The following ZNF385D variants were observed in gnomAD, a reference collection of about 807,000 sequenced individuals.
ZNF385D encodes zinc finger protein 385D.
Under a neutral mutation model 35.8 loss-of-function variants are expected in ZNF385D, and 15 were observed. The ratio of observed to expected loss-of-function variants is 0.42; its 90% CI spans 0.28 to 0.64. The LOEUF (loss-of-function observed/expected upper bound fraction) is 0.64, where lower values mean the gene tolerates loss of function less well. Ranked by LOEUF, ZNF385D falls within the 30% of genes least tolerant of loss-of-function variation. The pLI, the probability that ZNF385D is intolerant of heterozygous loss-of-function variation, is 0.23. For synonymous variants in ZNF385D, 212 were observed against 186.8 expected, an observed-to-expected ratio of 1.13 and a Z score of -1.10; for missense variants, 474 against 494.6, an observed-to-expected ratio of 0.96 and a Z score of 0.39.
intron 4 of ZNF385D, among the ~76,000 whole-genome samples, chr3:21,485,887 C>T (rs1005585268): frequency 1.3e-5 from 2 of 151,690 alleles, no homozygotes; most frequent in Non-Finnish European, 2.9e-5. Context: ...AAAAAAAACC[C>T]TTTATCTGAA....
chr3:21,560,256 T>C (rs556414962), intron 3 of ZNF385D, among the ~76,000 whole-genome samples: 12 of 152,216 alleles, frequency 7.9e-5, no homozygotes, highest in Non-Finnish European at 1.6e-4. Flanking sequence ...TTTTGGAATT[T>C]TCAGCCTTTT....
chr3:21,734,751 C>A (rs1318483110), intron 1 of ZNF385D, among the ~76,000 whole-genome samples: 1 of 152,028 alleles, frequency 6.6e-6, no homozygotes, highest in Admixed American at 6.6e-5. Context: ...GAAATAAGAA[C>A]CTTTGGAGGC....
At chr3:21,916,201 A>T (rs968907634) in intron 3 of ZNF385D, among the ~76,000 whole-genome samples, 3 of 152,236 alleles carry the variant, frequency 2.0e-5, no homozygotes, top group African/African-American at 7.2e-5. Flanking sequence ...AACTGGAAAT[A>T]TATAATTAAA....
At chr3:21,665,128 T>C in intron 1 of ZNF385D, 100 bp from the exon 2 acceptor site, 1 of 1,416,470 alleles carries the variant, frequency 7.1e-7, no homozygotes, top group Non-Finnish European at 9.4e-7. Context: ...TGTGGGTCAC[T>C]GGAAAAAACA....
At chr3:21,988,367 T>C (rs1468823981) in intron 3 of ZNF385D, among the ~76,000 whole-genome samples, 1 of 125,884 alleles carries the variant, frequency 7.9e-6, no homozygotes, top group African/African-American at 2.8e-5. Flanking sequence ...TCCTTTCTGT[T>C]TGTTAGTTTT....
chr3:21,964,412 T>TAAAAAAAAAAAAAA (rs60635259), intron 3 of ZNF385D, among the ~76,000 whole-genome samples: 25 of 71,492 alleles, frequency 3.5e-4, no homozygotes, highest in Non-Finnish European at 3.6e-4. Context: ...GTCCTTTTTG[T>TAAAAAAAAAAAAAA]AAAAAAAAAA....
At chr3:21,628,108 G>C (rs17009179) in intron 2 of ZNF385D, among the ~76,000 whole-genome samples, 4,163 of 152,176 alleles carry the variant, frequency 0.027, 180 homozygotes, top group African/African-American at 0.091. Flanking sequence ...ACAAAGGCCT[G>C]TTTAATGGCT....
chr3:21,483,337 G>A (rs1225834063), intron 4 of ZNF385D, among the ~76,000 whole-genome samples: 2 of 152,122 alleles, frequency 1.3e-5, no homozygotes, highest in Non-Finnish European at 2.9e-5. Context: ...TTACTGCTGA[G>A]TGGTATCCCA....
intron 3 of ZNF385D, among the ~76,000 whole-genome samples, chr3:21,887,931 T>TTGAAATAATATTAATACTTTG (rs1219183257): frequency 1.3e-5 from 2 of 152,124 alleles, no homozygotes; most frequent in African/African-American, 4.8e-5. Flanking sequence ...CACATGTCCA[T>TTGAAATAATATTAATACTTTG]TGAAATAATA....
chr3:21,632,799 A>G (rs2065319362), intron 2 of ZNF385D, among the ~76,000 whole-genome samples: 2 of 152,288 alleles, frequency 1.3e-5, no homozygotes, highest in East Asian at 3.9e-4. Context: ...ATTGTTTTAC[A>G]TGACAATTGG....
intron 2 of ZNF385D, among the ~76,000 whole-genome samples, chr3:22,319,969 A>C (rs1157483015): frequency 6.6e-6 from 1 of 152,106 alleles, no homozygotes; most frequent in African/African-American, 2.4e-5. Flanking sequence ...ATATTTTATC[A>C]TCAGAACTCT....
At chr3:21,509,077 T>C (rs1707004742) in intron 4 of ZNF385D, among the ~76,000 whole-genome samples, 1 of 151,886 alleles carries the variant, frequency 6.6e-6, no homozygotes, top group South Asian at 2.1e-4. Flanking sequence ...GGGCTTTTCT[T>C]AACTCAAGTT....
At chr3:22,068,629 T>G (rs537856670) in intron 3 of ZNF385D, among the ~76,000 whole-genome samples, 1 of 152,372 alleles carries the variant, frequency 6.6e-6, no homozygotes, top group Non-Finnish European at 1.5e-5. Flanking sequence ...GTGACATTTC[T>G]TTGATCTTTC....
chr3:22,123,575 CTG>C (rs1227179970), intron 3 of ZNF385D, among the ~76,000 whole-genome samples: 1 of 152,100 alleles, frequency 6.6e-6, no homozygotes, highest in Non-Finnish European at 1.5e-5. Context: ...TTATTGCTGA[CTG>C]GGCCGGGCGC....
At chr3:21,677,305 A>C (rs569953110) in intron 1 of ZNF385D, among the ~76,000 whole-genome samples, 1 of 152,024 alleles carries the variant, frequency 6.6e-6, no homozygotes, top group East Asian at 1.9e-4. Context: ...GAGAAAACAC[A>C]GGTTTTTCTG....
intron 2 of ZNF385D, among the ~76,000 whole-genome samples, chr3:21,615,817 T>TGTGTGTGTG (rs1559462215): frequency 6.6e-6 from 1 of 150,430 alleles, no homozygotes; most frequent in African/African-American, 2.5e-5. Flanking sequence ...TGTGTGTGTG[T>TGTGTGTGTG]TTACTGGTTA....
intron 2 of ZNF385D, among the ~76,000 whole-genome samples, chr3:21,594,873 C>G (rs1167895271): frequency 6.6e-6 from 1 of 152,158 alleles, no homozygotes; most frequent in Non-Finnish European, 1.5e-5. Context: ...ATTATAAACA[C>G]ATTTTTAAAA....
intron 2 of ZNF385D, among the ~76,000 whole-genome samples, chr3:22,339,253 T>A (rs989783966): frequency 1.3e-5 from 2 of 152,182 alleles, no homozygotes; most frequent in Middle Eastern, 3.4e-3. Context: ...CATGAAACAA[T>A]GAAAGAAATT....
At chr3:22,068,085 G>C (rs1255680276) in intron 3 of ZNF385D, among the ~76,000 whole-genome samples, 1 of 152,074 alleles carries the variant, frequency 6.6e-6, no homozygotes, top group Admixed American at 6.5e-5. Context: ...AATTGAAATA[G>C]AAATTAACTG....
Sources: gnomAD v4.1 joint callset for allele counts (sites outside exome capture counted in the v4.1 genomes callset) on GRCh38, gnomAD v4.1.1 for gene constraint, MANE v1.5 for transcripts, NCBI Gene and HGNC (gene_info 2026-07-23, HGNC 2026-07-21) for gene names.